The following MYO5B variants were observed in gnomAD, a reference collection of about 807,000 sequenced individuals.
MYO5B encodes the protein unconventional myosin-Vb.
In MYO5B, 143 loss-of-function variants were observed where a neutral mutation model predicts 229.3. That is an observed-to-expected ratio of 0.62 (90% CI 0.54 to 0.72). MYO5B has a LOEUF of 0.72. Among genes scored for constraint, MYO5B ranks in the 30% least tolerant of loss-of-function variants. The pLI is 0.00. For synonymous variants in MYO5B, 918 were observed against 885.2 expected, an observed-to-expected ratio of 1.04 and a Z score of -0.66; for missense variants, 2,321 against 2,331.0, an observed-to-expected ratio of 1.00 and a Z score of 0.09.
chr18:49,992,174 C>CA, intron 6 of MYO5B, 114 bp downstream of exon 6: 1 of 1,415,120 alleles, frequency 7.1e-7, no homozygotes, highest in Non-Finnish European at 1.0e-6. Context: ...CAACTACATT[C>CA]AATTCCAGGC....
At position 49,843,323 on chromosome 18, in the gene MYO5B, C is replaced by T. The variant is rs199865159; in HGVS notation, c.4529G>A (p.Arg1510Gln). The T allele has an allele frequency of 3.5e-5, 57 of 1,613,934 alleles. No homozygotes were observed. The highest frequency in any genetic ancestry group is 4.5e-5 in the East Asian group (2 of 44,880). ...ATCGTCGTTGGTGTAGTCCGCGTGCCGGATGCACATGTAGAGGATGTAGGC... is the reference window on the plus strand; with the variant it reads ...ATCGTCGTTGGTGTAGTCCGCGTGCTGGATGCACATGTAGAGGATGTAGGC... ...LPAYILYMCI[R>Q]HADYTNDDLK... The change falls in exon 34 of 40, where the codon CGG becomes CAG. Residue 1510 changes from arginine to glutamine, a missense_variant. Transcript: ENST00000285039.
chr18:49,872,725 A>T, intron 26 of MYO5B, among the ~76,000 whole-genome samples: 1 of 152,206 alleles, frequency 6.6e-6, no homozygotes, highest in Non-Finnish European at 1.5e-5. Context: ...CAGGCAGGGA[A>T]CACCACGATG....
At chr18:50,045,931 C>T (rs1422160901) in intron 2 of MYO5B, among the ~76,000 whole-genome samples, 1 of 152,150 alleles carries the variant, frequency 6.6e-6, no homozygotes, top group East Asian at 1.9e-4. Flanking sequence ...TCTCCCATAC[C>T]TCAATCTATG....
chr18:50,081,020 A>G (rs1215978512), intron 1 of MYO5B, among the ~76,000 whole-genome samples: 1 of 152,246 alleles, frequency 6.6e-6, no homozygotes, highest in Non-Finnish European at 1.5e-5. Flanking sequence ...ATATATTTTC[A>G]TGCCGCTAGT....
chr18:49,921,989 A>G (rs1310561427), intron 17 of MYO5B, among the ~76,000 whole-genome samples: 2 of 152,186 alleles, frequency 1.3e-5, no homozygotes, highest in African/African-American at 4.8e-5. Flanking sequence ...TGGTTACTTG[A>G]CAAGCTAATA....
At chr18:50,192,538 G>A (rs932491897) in intron 1 of MYO5B, among the ~76,000 whole-genome samples, 3 of 152,158 alleles carry the variant, frequency 2.0e-5, no homozygotes, top group Admixed American at 1.3e-4. Flanking sequence ...TATTATGAGT[G>A]TCTTTAGGAA....
intron 12 of MYO5B, among the ~76,000 whole-genome samples, chr18:49,959,524 C>A (rs4513197): frequency 0.18 from 27,684 of 152,138 alleles, 2,635 homozygotes; most frequent in Non-Finnish European, 0.21. Context: ...GGACACTGGC[C>A]TCCCCACTGA....
chr18:49,877,664 C>T (rs1392969038), intron 25 of MYO5B, 99 bp downstream of exon 25: 29 of 1,541,138 alleles, frequency 1.9e-5, no homozygotes, highest in Admixed American at 5.2e-5. Context: ...CTCTGGTCAC[C>T]ATCAGCAGAA....
intron 2 of MYO5B, among the ~76,000 whole-genome samples, chr18:50,041,574 G>A (rs1475677809): frequency 1.3e-5 from 2 of 151,994 alleles, no homozygotes; most frequent in African/African-American, 4.8e-5. Context: ...AGTAGTATTG[G>A]TAAGTAAATT....
rs1437777699 is a variant in MYO5B at position 49,825,479 on chromosome 18, A to T, written c.*992T>A. ...CTGATTATTTTTGAAGGTTTTTCAG[A>T]TGATCTGATGTGCGAACTTTAGTTT... On this transcript the variant is annotated 3_prime_UTR_variant, in exon 40 of 40. Coordinates refer to ENST00000285039, the MANE Select transcript of MYO5B (RefSeq NM_001080467.3). 6.6e-6 allele frequency: 1 copy of T among 151,588 alleles called. No homozygotes were observed. Among genetic ancestry groups the T allele is most frequent in the African/African-American group, 2.4e-5 (1 of 41,330 alleles). The allele number at this position is 151,588 out of a possible 1,614,324, so 9.4% of individuals were successfully genotyped here.
intron 9 of MYO5B, among the ~76,000 whole-genome samples, chr18:49,978,844 C>G (rs1341980140): frequency 6.6e-6 from 1 of 151,928 alleles, no homozygotes; most frequent in Non-Finnish European, 1.5e-5. Context: ...GGCTGGAGGT[C>G]CACAGACCAC....
At chr18:50,138,780 C>A (rs2032374561) in intron 1 of MYO5B, among the ~76,000 whole-genome samples, 1 of 152,202 alleles carries the variant, frequency 6.6e-6, no homozygotes, top group Non-Finnish European at 1.5e-5. Context: ...AAATAGTACC[C>A]CATTTCCTGG....
At chr18:50,030,876 G>GAAAAAAAAAAAAAAA (rs869189090) in intron 4 of MYO5B, among the ~76,000 whole-genome samples, 1 of 30,500 alleles carries the variant, frequency 3.3e-5, no homozygotes, top group Admixed American at 5.7e-4. Context: ...CTCCCTTTCA[G>GAAAAAAAAAAAAAAA]AAAAAAAAAA....
At chr18:49,921,150 G>C (rs1157917601) in intron 17 of MYO5B, among the ~76,000 whole-genome samples, 1 of 152,066 alleles carries the variant, frequency 6.6e-6, no homozygotes, top group South Asian at 2.1e-4. Flanking sequence ...CTCTTCACAG[G>C]ACTGGGGAGA....
At chr18:49,937,168 C>T in intron 15 of MYO5B, 77 bp downstream of exon 15, 2 of 1,557,846 alleles carry the variant, frequency 1.3e-6, no homozygotes, top group African/African-American at 1.4e-5. Context: ...CCCTCTCACC[C>T]TGCCGCCATC....
chr18:50,131,441 T>G (rs111793030), intron 1 of MYO5B, among the ~76,000 whole-genome samples: 102 of 151,800 alleles, frequency 6.7e-4, no homozygotes, highest in African/African-American at 2.3e-3. Context: ...AAAGTTAGAG[T>G]CCAAGGAAAA....
intron 4 of MYO5B, among the ~76,000 whole-genome samples, chr18:50,028,451 A>T (rs987907608): frequency 6.6e-6 from 1 of 152,092 alleles, no homozygotes; most frequent in Non-Finnish European, 1.5e-5. Context: ...CAGATAGGAG[A>T]GTGTCTGAAA....
intron 21 of MYO5B, among the ~76,000 whole-genome samples, chr18:49,896,276 C>T (rs1177814250): frequency 6.6e-6 from 1 of 152,170 alleles, no homozygotes; most frequent in Non-Finnish European, 1.5e-5. Context: ...AGACATGCTA[C>T]CCGCTCCCCA....
At chr18:50,136,153 C>G (rs1247706108) in intron 1 of MYO5B, among the ~76,000 whole-genome samples, 1 of 152,168 alleles carries the variant, frequency 6.6e-6, no homozygotes, top group Non-Finnish European at 1.5e-5. Context: ...AGGAGCTTCA[C>G]AGGAGGATGA....
Sources: allele counts gnomAD v4.1 joint callset (sites outside exome capture counted in the v4.1 genomes callset), GRCh38; gene constraint gnomAD v4.1.1; transcripts MANE v1.5; gene names NCBI Gene and HGNC (gene_info 2026-07-23, HGNC 2026-07-21).